Variants in STAC observed in about 807,000 individuals in gnomAD.
The protein encoded by STAC is SH3 and cysteine-rich domain-containing protein.
In STAC, 43 loss-of-function variants were observed where a neutral mutation model predicts 48.8. The ratio of observed to expected loss-of-function variants is 0.88; its 90% CI spans 0.69 to 1.14. The LOEUF is 1.14. STAC is among the 50% of genes most tolerant of loss of function. STAC has a pLI of 0.00. For synonymous variants in STAC, 193 were observed against 179.5 expected, an observed-to-expected ratio of 1.07 and a Z score of -0.60; for missense variants, 497 against 504.0, an observed-to-expected ratio of 0.99 and a Z score of 0.13.
chr3:36,395,232 A>G (rs1410294987), intron 1 of STAC, among the ~76,000 whole-genome samples: 1 of 152,158 alleles, frequency 6.6e-6, no homozygotes, highest in African/African-American at 2.4e-5. Context: ...GGTCAGATGA[A>G]GGTCTTGGAA....
At chr3:36,419,633 G>A (rs1373246393) in intron 1 of STAC, among the ~76,000 whole-genome samples, 1 of 152,100 alleles carries the variant, frequency 6.6e-6, no homozygotes, top group Non-Finnish European at 1.5e-5. Context: ...AACATACAAT[G>A]GCCTGACAGA....
intron 1 of STAC, among the ~76,000 whole-genome samples, chr3:36,428,420 A>G (rs2125650648): frequency 6.6e-6 from 1 of 152,350 alleles, no homozygotes; most frequent in Non-Finnish European, 1.5e-5. Flanking sequence ...CAAATAGTCC[A>G]AAATATTAAT....
intron 2 of STAC, among the ~76,000 whole-genome samples, chr3:36,475,729 G>T (rs2125694786): frequency 6.6e-6 from 1 of 152,266 alleles, no homozygotes; most frequent in East Asian, 1.9e-4. Flanking sequence ...AATTATAAAG[G>T]TCAAGAGGCA....
chr3:36,381,421 G>A (rs1181277133), intron 1 of STAC, among the ~76,000 whole-genome samples: 1 of 152,226 alleles, frequency 6.6e-6, no homozygotes, highest in Non-Finnish European at 1.5e-5. Flanking sequence ...GTGGGTGCCA[G>A]GCACATGTTT....
chr3:36,494,239 G>T (rs961926288), intron 6 of STAC, among the ~76,000 whole-genome samples: 1 of 150,760 alleles, frequency 6.6e-6, no homozygotes, highest in Non-Finnish European at 1.5e-5. Context: ...ATGCATTCTT[G>T]CTAGGCCTTT....
At chr3:36,503,433 TTTTG>T (rs749215074) in intron 6 of STAC, among the ~76,000 whole-genome samples, 17 of 152,054 alleles carry the variant, frequency 1.1e-4, no homozygotes, top group Admixed American at 3.9e-4. Flanking sequence ...GTTTTTTTGT[TTTTG>T]TTTTTGTTTT....
At chr3:36,453,610 T>C (rs7431136) in intron 2 of STAC, among the ~76,000 whole-genome samples, 63,013 of 88,164 alleles carry the variant, frequency 0.71, 23,898 homozygotes, top group East Asian at 0.81. Flanking sequence ...CCTGTGCGGC[T>C]GGAGCCTCCC....
At chr3:36,415,304 C>T (rs1200572272) in intron 1 of STAC, among the ~76,000 whole-genome samples, 4 of 152,274 alleles carry the variant, frequency 2.6e-5, no homozygotes, top group Middle Eastern at 3.4e-3. Context: ...CCTTGAGCTG[C>T]GGTGGGCTCC....
chr3:36,459,113 C>A (rs938079706), intron 2 of STAC: 8 of 152,172 alleles, frequency 5.3e-5, no homozygotes, highest in African/African-American at 1.9e-4. Flanking sequence ...AAAGGAAATA[C>A]AAAATTAGTT....
intron 1 of STAC, among the ~76,000 whole-genome samples, chr3:36,427,409 G>C (rs1006742324): frequency 2.6e-5 from 4 of 152,188 alleles, no homozygotes; most frequent in African/African-American, 4.8e-5. Flanking sequence ...ATAAGTGCCA[G>C]AGAGCTCTGA....
intron 1 of STAC, among the ~76,000 whole-genome samples, chr3:36,415,362 C>T (rs1466986716): frequency 1.3e-5 from 2 of 152,338 alleles, no homozygotes; most frequent in East Asian, 3.9e-4. Flanking sequence ...CAAGCCTCAG[C>T]AATGGCAGGC....
chr3:36,384,828 T>C lies in STAC; in HGVS notation c.111+4074T>C, dbSNP rs369131287. Reference sequence around the variant, plus strand: ...TGAACCTGGACCACAATCCAACCTATGAAAAAGAAATCTCTAACCATGAAG... The same window carrying C: ...TGAACCTGGACCACAATCCAACCTACGAAAAAGAAATCTCTAACCATGAAG... On this transcript the variant is annotated intron_variant, in intron 1 of 10. Coordinates refer to ENST00000273183, the MANE Select transcript of STAC (RefSeq NM_003149.3). Among the ~76,000 whole-genome samples the C allele has an allele frequency of 3.5e-4, 53 of 152,220 alleles. No homozygotes were observed. In the South Asian group the frequency reaches 0.011, roughly 31 times the overall value.
chr3:36,512,134 C>T lies in STAC; in HGVS notation c.920+6300C>T, dbSNP rs74817836. 2.8e-4 allele frequency among the ~76,000 whole-genome samples: 42 copies of T among 152,250 alleles called. No homozygotes were observed. In the East Asian group the frequency reaches 7.7e-3, roughly 28 times the overall value. On this transcript the variant is annotated intron_variant, in intron 8 of 10. Coordinates refer to ENST00000273183, the MANE Select transcript of STAC (RefSeq NM_003149.3). ...TTGTAGAGACAATTAAGGTCTTGTACATCTGAGTTTTCTCTATTGCTGAGT... is the reference window on the plus strand; with the variant it reads ...TTGTAGAGACAATTAAGGTCTTGTATATCTGAGTTTTCTCTATTGCTGAGT...
intron 2 of STAC, among the ~76,000 whole-genome samples, chr3:36,447,081 C>T (rs1221119287): frequency 1.3e-5 from 2 of 152,132 alleles, no homozygotes; most frequent in African/African-American, 4.8e-5. Flanking sequence ...AGTAGCTAAG[C>T]AAGGGTGTGG....
At chr3:36,465,799 G>A (rs1697153961) in intron 2 of STAC, among the ~76,000 whole-genome samples, 1 of 152,148 alleles carries the variant, frequency 6.6e-6, no homozygotes, top group East Asian at 1.9e-4. Flanking sequence ...GGGAGGCTAG[G>A]CCCATCTCTC....
intron 8 of STAC, among the ~76,000 whole-genome samples, chr3:36,514,551 A>G (rs1290489381): frequency 7.2e-5 from 11 of 152,278 alleles, no homozygotes; most frequent in Non-Finnish European, 4.4e-5. Context: ...TCTCTCCTGT[A>G]AACTCCATGA....
At chr3:36,510,975 A>C (rs934985384) in intron 8 of STAC, among the ~76,000 whole-genome samples, 3 of 151,192 alleles carry the variant, frequency 2.0e-5, no homozygotes, top group Non-Finnish European at 2.9e-5. Context: ...ATTTATATAT[A>C]TATATATTTA....
chr3:36,484,952 C>T (rs775060513), intron 3 of STAC, 25 bp from the exon 4 acceptor site: 4 of 1,577,124 alleles, frequency 2.5e-6, no homozygotes, highest in Non-Finnish European at 3.4e-6. Context: ...ACATTAACCC[C>T]TTGCCTTCCT....
chr3:36,402,475 A>T (rs755780108), intron 1 of STAC, among the ~76,000 whole-genome samples: 8 of 151,988 alleles, frequency 5.3e-5, no homozygotes, highest in Non-Finnish European at 1.0e-4. Context: ...TTTTGTGCCC[A>T]CTCTACAGAT....
Sources: allele counts gnomAD v4.1 joint callset (sites outside exome capture counted in the v4.1 genomes callset), GRCh38; gene constraint gnomAD v4.1.1; transcripts MANE v1.5; gene names NCBI Gene and HGNC (gene_info 2026-07-23, HGNC 2026-07-21).